The following KIAA1549 variants were observed in gnomAD, a reference collection of about 807,000 sequenced individuals.
KIAA1549 encodes the protein KIAA1549.
In KIAA1549, 70 loss-of-function variants were observed where a neutral mutation model predicts 156.4. That is an observed-to-expected ratio of 0.45 (90% CI 0.37 to 0.55). The LOEUF is 0.55. KIAA1549 is among the 20% of genes least tolerant of loss of function. The pLI, the probability that KIAA1549 is intolerant of heterozygous loss-of-function variation, is 0.00. For synonymous variants in KIAA1549, 1,103 were observed against 1,066.4 expected, an observed-to-expected ratio of 1.03 and a Z score of -0.67; for missense variants, 2,428 against 2,540.9, an observed-to-expected ratio of 0.96 and a Z score of 0.96.
rs1456609641 is a variant in KIAA1549, at chr7:138,837,897, C to T, written c.*9G>A. Reference sequence around the variant, plus strand: ...GCGGATACTTGGCAAATCTGCGAGGCGAGGCCGATCAGCTGTGGAAGTTCT... The same window carrying T: ...GCGGATACTTGGCAAATCTGCGAGGTGAGGCCGATCAGCTGTGGAAGTTCT... On this transcript the variant is annotated 3_prime_UTR_variant, in exon 20 of 20. Coordinates refer to ENST00000422774, the MANE Select transcript of KIAA1549 (RefSeq NM_001164665.2). 6.8e-6 allele frequency: 11 copies of T among 1,612,166 alleles called. No homozygotes were observed. Among genetic ancestry groups the T allele is most frequent in the East Asian group, 4.5e-5 (2 of 44,884 alleles).
intron 1 of KIAA1549, among the ~76,000 whole-genome samples, chr7:138,932,186 T>C (rs1359266950): frequency 1.3e-5 from 2 of 152,246 alleles, no homozygotes; most frequent in Non-Finnish European, 2.9e-5. Flanking sequence ...CTAGACAGCA[T>C]GCTCTATGAA....
In KIAA1549 at chr7:138,886,402, G is replaced by A. The variant is rs140661509; in HGVS notation, c.4033-4818C>T. 5.1e-4 allele frequency among the ~76,000 whole-genome samples: 77 copies of A among 152,128 alleles called. No individual in the cohort carries two copies. In the East Asian group the frequency reaches 0.014, roughly 27 times the overall value. On this transcript the variant is annotated intron_variant, in intron 10 of 19. Transcript: ENST00000422774. The stretch of plus-strand genomic sequence containing the variant: ...CAATCCTCCCACCTGAGCCTCCCAA[G>A]GAGCTGGGACCACAGACATGTGCCA...
At position 138,833,871 on chromosome 7, in the gene KIAA1549, CA is replaced by C. The variant is rs1410364133; in HGVS notation, c.*4034del. 5 of 232,890 alleles carry C rather than the reference CA, an allele frequency of 2.1e-5. No individual in the cohort carries two copies. The highest frequency in any genetic ancestry group is 4.2e-5 in the Non-Finnish European group (5 of 117,864). 14.4% of individuals were successfully genotyped at this position (232,890 alleles called of 1,614,324 possible). The stretch of plus-strand genomic sequence containing the variant: ...TGGTCGTTTCCTTGCTGCATGACTG[CA>C]AAAGCATCCTTCCAGCACCTCTTCC... On this transcript the variant is annotated 3_prime_UTR_variant, in exon 20 of 20. Transcript: ENST00000422774.
Position 138,917,301 on chromosome 7 carries a change from C to G in KIAA1549, c.2325G>C (p.Glu775Asp). 1 of 1,613,862 alleles carries G rather than the reference C, an allele frequency of 6.2e-7. No homozygotes were observed. The highest frequency in any genetic ancestry group is 8.5e-7 in the Non-Finnish European group (1 of 1,179,834). The part of the protein sequence containing the change: ...AVTALVPPGS[E>D]SFDILTAGIQ... ...TCCCGGCAGTCAAAATGTCAAAAGA[C>G]TCAGAGCCGGGGGGCACCAGTGCAG... The change falls in exon 2 of 20, where the codon GAG becomes GAC. Residue 775 changes from glutamate to aspartate, a missense_variant. Glu to Asp is a conservative substitution (Grantham distance 45). Coordinates refer to ENST00000422774, the MANE Select transcript of KIAA1549 (RefSeq NM_001164665.2).
intron 1 of KIAA1549, among the ~76,000 whole-genome samples, chr7:138,970,313 C>A (rs1175350698): frequency 6.6e-6 from 1 of 152,120 alleles, no homozygotes; most frequent in Non-Finnish European, 1.5e-5. Context: ...CTGCTGACAC[C>A]AGCTCAGGGA....
chr7:138,858,488 T>C (rs898275301), intron 16 of KIAA1549, among the ~76,000 whole-genome samples: 2 of 152,182 alleles, frequency 1.3e-5, no homozygotes, highest in Non-Finnish European at 2.9e-5. Flanking sequence ...TTTACCTTAT[T>C]GAATGCTGCA....
intron 8 of KIAA1549, among the ~76,000 whole-genome samples, chr7:138,903,004 G>C (rs1450155233): frequency 6.6e-6 from 1 of 152,086 alleles, no homozygotes; most frequent in African/African-American, 2.4e-5. Context: ...ATTTTTTAAT[G>C]TGTTTTTCAA....
intron 11 of KIAA1549, among the ~76,000 whole-genome samples, chr7:138,880,153 G>C (rs1279475744): frequency 1.3e-5 from 2 of 152,162 alleles, no homozygotes; most frequent in African/African-American, 2.4e-5. Context: ...GAGTACTGTG[G>C]CACCCAGCTT....
At chr7:138,959,044 C>T (rs895508585) in intron 1 of KIAA1549, among the ~76,000 whole-genome samples, 16 of 152,206 alleles carry the variant, frequency 1.1e-4, no homozygotes, top group East Asian at 3.9e-4. Flanking sequence ...GGATTGCAGG[C>T]GCCCACCACC....
intron 14 of KIAA1549, 34 bp from the exon 15 acceptor site, chr7:138,868,162 A>G: frequency 6.3e-7 from 1 of 1,596,816 alleles, no homozygotes; most frequent in Non-Finnish European, 8.5e-7. Context: ...CTTCGTAGGA[A>G]ATCACCCTTT....
chr7:138,861,042 G>T (rs1240632887), intron 16 of KIAA1549, 97 bp downstream of exon 16: 6 of 1,221,904 alleles, frequency 4.9e-6, no homozygotes, highest in Non-Finnish European at 3.5e-6. Context: ...CTTATCAAAT[G>T]CAACCACGGT....
intron 6 of KIAA1549, 63 bp downstream of exon 6, chr7:138,906,856 G>A (rs1812018664): frequency 1.6e-6 from 2 of 1,231,014 alleles, no homozygotes; most frequent in Non-Finnish European, 2.2e-6. Flanking sequence ...ATTTTAAGAA[G>A]AGGTCTTCCA....
At chr7:138,924,667 T>C (rs1437051881) in intron 1 of KIAA1549, among the ~76,000 whole-genome samples, 1 of 151,962 alleles carries the variant, frequency 6.6e-6, no homozygotes, top group Non-Finnish European at 1.5e-5. Flanking sequence ...CTTTTTTTTC[T>C]TTCTTTCTCT....
intron 1 of KIAA1549, among the ~76,000 whole-genome samples, chr7:138,920,233 A>C (rs1186266820): frequency 6.6e-6 from 1 of 152,126 alleles, no homozygotes; most frequent in Non-Finnish European, 1.5e-5. Flanking sequence ...CCAGCTCTCT[A>C]TATGGATGGC....
intron 14 of KIAA1549, among the ~76,000 whole-genome samples, chr7:138,869,206 G>C (rs542089380): frequency 6.6e-6 from 1 of 152,334 alleles, no homozygotes; most frequent in South Asian, 2.1e-4. Flanking sequence ...GTGTGGGAAG[G>C]AAAGGGTGAG....
At chr7:138,955,544 G>A (rs1290724695) in intron 1 of KIAA1549, among the ~76,000 whole-genome samples, 2 of 151,856 alleles carry the variant, frequency 1.3e-5, no homozygotes, top group Non-Finnish European at 2.9e-5. Flanking sequence ...CGTGGAGATG[G>A]ATGGTGGTGA....
chr7:138,934,067 G>C lies in KIAA1549; in HGVS notation c.188-14629C>G, dbSNP rs149754506. On this transcript the variant is annotated intron_variant, in intron 1 of 19. Coordinates refer to ENST00000422774, the MANE Select transcript of KIAA1549 (RefSeq NM_001164665.2). Reference sequence around the variant, plus strand: ...TGTATGGGTTTTTGTTGTTGTCGTCGTTCTTACTGTTGTTTTGGAACCTAT... The same window carrying C: ...TGTATGGGTTTTTGTTGTTGTCGTCCTTCTTACTGTTGTTTTGGAACCTAT... 2.3e-3 allele frequency among the ~76,000 whole-genome samples: 351 copies of C among 152,252 alleles called. 5 individuals are homozygous for C. The highest frequency in any genetic ancestry group is 7.9e-3 in the African/African-American group (329 of 41,560).
intron 6 of KIAA1549, among the ~76,000 whole-genome samples, chr7:138,905,971 G>A (rs1275725455): frequency 6.6e-6 from 1 of 152,144 alleles, no homozygotes; most frequent in East Asian, 1.9e-4. Context: ...CCCTTTTGTA[G>A]TCAAACTTTC....
Position 138,837,818 on chromosome 7 carries a change from C to T in KIAA1549, c.*88G>A. 6.8e-7 allele frequency: 1 copy of T among 1,467,636 alleles called. No individual in the cohort carries two copies. The highest frequency in any genetic ancestry group is 2.2e-5 in the Admixed American group (1 of 45,520). The allele number at this position is 1,467,636 out of a possible 1,614,324, so 90.9% of individuals were successfully genotyped here. ...GCAGGCTGCCCGAGAGTTGCTCCTT[C>T]CTCTTCCAAACACCCACTCAGTTGA... On this transcript the variant is annotated 3_prime_UTR_variant, in exon 20 of 20. Transcript: ENST00000422774.
Sources: allele counts gnomAD v4.1 joint callset (sites outside exome capture counted in the v4.1 genomes callset), GRCh38; gene constraint gnomAD v4.1.1; transcripts MANE v1.5; gene names NCBI Gene and HGNC (gene_info 2026-07-23, HGNC 2026-07-21).